The following ARRDC2 variants were observed in gnomAD, a reference collection of about 807,000 sequenced individuals.
ARRDC2 encodes arrestin domain containing 2, also known as arrestin domain-containing protein 2.
ARRDC2 carries 39 observed loss-of-function variants against 38.9 expected under a neutral mutation model. That is an observed-to-expected ratio of 1.00 (90% CI 0.78 to 1.31). ARRDC2 has a LOEUF of 1.31. ARRDC2 is among the 50% of genes most tolerant of loss of function. The probability of loss-of-function intolerance (pLI) is 0.00; values close to 1 mark genes in which losing one functional copy is unlikely to be tolerated. For synonymous variants in ARRDC2, 300 were observed against 261.9 expected, an observed-to-expected ratio of 1.15 and a Z score of -1.41; for missense variants, 553 against 588.4, an observed-to-expected ratio of 0.94 and a Z score of 0.62.
rs1176905065 is a variant in ARRDC2, at chr19:18,001,567, C to T, written c.253C>T (p.Leu85Phe). 3.0e-6 allele frequency: 4 copies of T among 1,345,110 alleles called. No individual in the cohort carries two copies. In the Admixed American group the frequency reaches 1.4e-4, roughly 48 times the overall value. The allele number at this position is 1,345,110 out of a possible 1,614,324, so 83.3% of individuals were successfully genotyped here. A position where few individuals can be genotyped will look rare whatever the true frequency, so the allele number is the denominator to read the frequency against. Reference sequence around the variant, plus strand: ...CTACCTGCGGCGTCGGCAGCTGCTGCTCCGAGGTGAGACACTCGTCGCGCC... The same window carrying T: ...CTACCTGCGGCGTCGGCAGCTGCTGTTCCGAGGTGAGACACTCGTCGCGCC... Residue 85 changes from leucine to phenylalanine, a missense_variant, in exon 1 of 8, where the codon CTC (leucine) becomes TTC (phenylalanine). Leu to Phe is a conservative substitution (Grantham distance 22). Coordinates refer to the ARRDC2 transcript ENST00000379656.
At chr19:18,008,000 A>AG (rs2033313868), upstream of ARRDC2, among the ~76,000 whole-genome samples, 1 of 152,284 alleles carries the variant, frequency 6.6e-6, no homozygotes, top group East Asian at 1.9e-4. Context: ...CCGCGAGGGA[A>AG]GGGGGCAGCC....
upstream of ARRDC2, chr19:18,008,026 C>T (rs1348101157): frequency 1.9e-5 from 15 of 793,870 alleles, no homozygotes; most frequent in Non-Finnish European, 2.7e-5. Flanking sequence ...TGAGCAGGGG[C>T]GTTTGTTATT....
chr19:18,002,830 C>T (rs979607703), intron 1 of ARRDC2, among the ~76,000 whole-genome samples: 118 of 152,268 alleles, frequency 7.7e-4, no homozygotes, highest in African/African-American at 2.6e-3. Context: ...CAGCCGGGTG[C>T]GGTGGCTCAC....
chr19:18,008,115 G>GTCGCC, upstream of ARRDC2: 2 of 810,032 alleles, frequency 2.5e-6, no homozygotes, highest in Non-Finnish European at 3.4e-6. Context: ...AAGAGACGGT[G>GTCGCC]ACCCCACCCC....
At chr19:18,012,273 G>C (rs1038986467) in intron 7 of ARRDC2, among the ~76,000 whole-genome samples, 5 of 151,448 alleles carry the variant, frequency 3.3e-5, no homozygotes, top group Non-Finnish European at 7.4e-5. Flanking sequence ...AGTATTATAG[G>C]TAATCTAGAA....
rs758847405 is a variant in ARRDC2 at position 18,008,352 on chromosome 19, C to T, written c.42C>T (p.Asp14=). 6.3e-6 allele frequency: 10 copies of T among 1,596,488 alleles called. No homozygotes were observed. The highest frequency in any genetic ancestry group is 2.7e-5 in the African/African-American group (2 of 74,532). The change falls in exon 1 of 8, where the codon GAC becomes GAT. Residue 14 remains aspartate, a synonymous_variant. Transcript: ENST00000222250. ...DKVKAFSVQL[D]GATAGVEPVF... ...TGAAAGCGTTCTCGGTGCAGTTGGA[C>T]GGCGCGACCGCGGGCGTCGAGCCCG...
At position 18,013,011 on chromosome 19, in the gene ARRDC2, C is replaced by T. The variant is rs989509278; in HGVS notation, c.*45C>T. The stretch of plus-strand genomic sequence containing the variant: ...AGGAACAAGGTTGCACACCAGCTTT[C>T]AGCCACCATGACTGTGGGGAGTGGC... On this transcript the variant is annotated 3_prime_UTR_variant, in exon 8 of 8. Coordinates refer to ENST00000222250, the MANE Select transcript of ARRDC2 (RefSeq NM_015683.2). 1 of 1,602,666 alleles carries T rather than the reference C, an allele frequency of 6.2e-7. No homozygotes were observed. The highest frequency in any genetic ancestry group is 8.5e-7 in the Non-Finnish European group (1 of 1,171,368).
At chr19:18,004,052 C>A (rs918029494), upstream of ARRDC2, among the ~76,000 whole-genome samples, 2 of 151,196 alleles carry the variant, frequency 1.3e-5, no homozygotes, top group African/African-American at 2.4e-5. Flanking sequence ...GGCTTACAGG[C>A]ATGAGCCACC....
intron 1 of ARRDC2, chr19:18,001,620 G>C (rs2033188752): frequency 7.7e-7 from 1 of 1,293,848 alleles, no homozygotes; most frequent in African/African-American, 1.5e-5. Context: ...GACCCCCTCG[G>C]CCGCGACCCT....
At chr19:18,007,789 C>G (rs1486940094), upstream of ARRDC2, 1 of 194,970 alleles carries the variant, frequency 5.1e-6, no homozygotes, top group Non-Finnish European at 1.1e-5. Flanking sequence ...GCGAGAGTCC[C>G]CCGCCCCAAA....
upstream of ARRDC2, chr19:18,007,791 C>T (rs1322171332): frequency 7.7e-5 from 15 of 195,250 alleles, no homozygotes; most frequent in Non-Finnish European, 1.1e-5. Flanking sequence ...GAGAGTCCCC[C>T]GCCCCAAATC....
At chr19:18,002,011 A>T (rs1309309858) in intron 1 of ARRDC2, among the ~76,000 whole-genome samples, 1 of 151,966 alleles carries the variant, frequency 6.6e-6, no homozygotes, top group East Asian at 1.9e-4. Flanking sequence ...CTCAACTTAG[A>T]CTGTGCGGTG....
chr19:18,013,135 G>A lies in ARRDC2; in HGVS notation c.*169G>A, dbSNP rs1181520921. 1 of 666,350 alleles carries A rather than the reference G, an allele frequency of 1.5e-6. No homozygotes were observed. The highest frequency in any genetic ancestry group is 2.5e-6 in the Non-Finnish European group (1 of 399,570). The allele number at this position is 666,350 out of a possible 1,614,324, so 41.3% of individuals were successfully genotyped here. A position where few individuals can be genotyped will look rare whatever the true frequency, so the allele number is the denominator to read the frequency against. On this transcript the variant is annotated 3_prime_UTR_variant, in exon 8 of 8. Coordinates refer to ENST00000222250, the MANE Select transcript of ARRDC2 (RefSeq NM_015683.2). ...GGATATCACATGGGACAGAGGAAGAGCCCGGCTGGAATCTGACTTACCTGG... is the reference window on the plus strand; with the variant it reads ...GGATATCACATGGGACAGAGGAAGAACCCGGCTGGAATCTGACTTACCTGG...
chr19:18,012,868 C>T, intron 7 of ARRDC2, 45 bp from the exon 8 acceptor site: 1 of 1,588,880 alleles, frequency 6.3e-7, no homozygotes, highest in Non-Finnish European at 8.6e-7. Context: ...TTCTGAATTT[C>T]TGTTTCCAGT....
Position 18,010,721 on chromosome 19 carries a change from T to C in ARRDC2, c.1162T>C (p.Tyr388His). The change falls in exon 7 of 8, where the codon TAC (tyrosine) becomes CAC (histidine). Residue 388 changes from tyrosine to histidine, a missense_variant. Tyr to His is a moderately conservative substitution (Grantham distance 83). Coordinates refer to ENST00000222250, the MANE Select transcript of ARRDC2 (RefSeq NM_015683.2). The stretch of plus-strand genomic sequence containing the variant: ...GTTCCGCTACCGCCCGCCACCCCTG[T>C]ACTCTGAGGTGAGCTCAGGGGTCTG... The part of the protein sequence containing the change: ...QEFRYRPPPL[Y>H]SEEDPNPLLG... The C allele has an allele frequency of 6.2e-7, 1 of 1,613,716 alleles. No homozygotes were observed. Among genetic ancestry groups the C allele is most frequent in the Non-Finnish European group, 8.5e-7 (1 of 1,179,976 alleles).
At chr19:18,005,780 C>G (rs1463159302), upstream of ARRDC2, among the ~76,000 whole-genome samples, 2 of 151,930 alleles carry the variant, frequency 1.3e-5, no homozygotes, top group Non-Finnish European at 2.9e-5. Flanking sequence ...CCCCCCACCT[C>G]CCTCCTGGAC....
chr19:18,010,513 G>T (rs1318333791), intron 6 of ARRDC2, 59 bp from the exon 7 acceptor site: 3 of 1,589,006 alleles, frequency 1.9e-6, no homozygotes, highest in Non-Finnish European at 2.6e-6. Flanking sequence ...CCTGGCCCCT[G>T]GTCCCTTGGA....
At position 18,014,020 on chromosome 19, in the gene ARRDC2, G is replaced by A. The variant is rs570886782; in HGVS notation, c.*1054G>A. On this transcript the variant is annotated 3_prime_UTR_variant, in exon 8 of 8. Coordinates refer to ENST00000222250, the MANE Select transcript of ARRDC2 (RefSeq NM_015683.2). ...CCTGGCTGGGGCAGGGCCCCGGCCT[G>A]GGACTCAGCATTTCTGATATGCCTT... 1 of 152,030 alleles carries A rather than the reference G, an allele frequency of 6.6e-6. No homozygotes were observed. The highest frequency in any genetic ancestry group is 1.5e-5 in the Non-Finnish European group (1 of 67,996). 9.4% of individuals were successfully genotyped at this position (152,030 alleles called of 1,614,324 possible). A position where few individuals can be genotyped will look rare whatever the true frequency, so the allele number is the denominator to read the frequency against.
chr19:18,005,426 A>G (rs569447835), upstream of ARRDC2, among the ~76,000 whole-genome samples: 52 of 152,152 alleles, frequency 3.4e-4, no homozygotes, highest in East Asian at 9.7e-4. Flanking sequence ...CGATTTCTCA[A>G]TCTTTTCCCC....
Sources: gnomAD v4.1 joint callset for allele counts (sites outside exome capture counted in the v4.1 genomes callset) on GRCh38, gnomAD v4.1.1 for gene constraint, MANE v1.5 for transcripts, NCBI Gene and HGNC (gene_info 2026-07-23, HGNC 2026-07-21) for gene names.